The following PCYT1A variants were observed in gnomAD, a reference collection of about 807,000 sequenced individuals.
PCYT1A encodes the protein phosphate cytidylyltransferase 1A, choline.
A neutral mutation model predicts 43.7 loss-of-function variants in PCYT1A; 25 were observed. That is an observed-to-expected ratio of 0.57 (90% CI 0.42 to 0.80). The LOEUF (loss-of-function observed/expected upper bound fraction) is 0.80, where lower values mean the gene tolerates loss of function less well. Among genes scored for constraint, PCYT1A ranks in the 30% least tolerant of loss-of-function variants. PCYT1A has a pLI of 0.00. For synonymous variants in PCYT1A, 172 were observed against 170.7 expected (o/e 1.01, Z -0.06); for missense variants, 421 against 474.2 (o/e 0.89, Z 1.04).
chr3:196,275,829 G>A (rs937714581), intron 1 of PCYT1A, among the ~76,000 whole-genome samples: 4 of 152,058 alleles, frequency 2.6e-5, no homozygotes, highest in African/African-American at 9.7e-5. Flanking sequence ...CAGGCACGGT[G>A]GCTCACACCT....
chr3:196,246,401 CTT>C (rs1039092568), intron 5 of PCYT1A, among the ~76,000 whole-genome samples: 3 of 144,990 alleles, frequency 2.1e-5, no homozygotes, highest in Admixed American at 6.9e-5. Flanking sequence ...AAACCTGTGG[CTT>C]TTTTTTTTTT....
At chr3:196,270,809 T>G (rs1725408728) in intron 1 of PCYT1A, among the ~76,000 whole-genome samples, 1 of 152,208 alleles carries the variant, frequency 6.6e-6, no homozygotes, top group Admixed American at 6.5e-5. Flanking sequence ...CAGTGCAGCC[T>G]ACATACTAAC....
chr3:196,273,961 T>C lies in PCYT1A; in HGVS notation c.-10-3420A>G, dbSNP rs1725514856. 6.6e-6 allele frequency among the ~76,000 whole-genome samples: 1 copy of C among 152,216 alleles called. No homozygotes were observed. The highest frequency in any genetic ancestry group is 1.9e-4 in the East Asian group (1 of 5,192). ...CCCAGGCTATTCACGAAGGGGCGCC[T>C]GCAGGCCTGAATGGAGCTGCTCTCA... On this transcript the variant is annotated intron_variant, in intron 1 of 8. Transcript: ENST00000431016. This position sits in a 1 kb window ranked among gnomAD's most constrained non-coding sequence, Gnocchi z 4.1.
At chr3:196,285,753 C>T (rs73086649) in intron 1 of PCYT1A, among the ~76,000 whole-genome samples, 18,815 of 152,052 alleles carry the variant, frequency 0.12, 1,238 homozygotes, top group South Asian at 0.2. Flanking sequence ...CATTTTGTCC[C>T]CCTTTCTTTC....
chr3:196,278,980 C>CAAAA (rs148985648), intron 1 of PCYT1A, among the ~76,000 whole-genome samples: 7 of 51,632 alleles, frequency 1.4e-4, no homozygotes, highest in African/African-American at 2.4e-4. Flanking sequence ...GACCTCATCT[C>CAAAA]AAAAAAAAAA....
At chr3:196,240,411 A>T (rs1724313287) in intron 7 of PCYT1A, among the ~76,000 whole-genome samples, 2 of 152,230 alleles carry the variant, frequency 1.3e-5, no homozygotes, top group African/African-American at 4.8e-5. Context: ...TTGGCCAGGC[A>T]CAGTGGCTCA....
chr3:196,266,400 G>A (rs1166371899), intron 2 of PCYT1A, among the ~76,000 whole-genome samples: 1 of 151,892 alleles, frequency 6.6e-6, no homozygotes, highest in African/African-American at 2.4e-5. Flanking sequence ...GTGAACCCAG[G>A]AGGCGGAGCT....
intron 2 of PCYT1A, among the ~76,000 whole-genome samples, chr3:196,260,523 A>G (rs1725077695): frequency 6.6e-6 from 1 of 152,196 alleles, no homozygotes; most frequent in African/African-American, 2.4e-5. Context: ...GTATATACCC[A>G]AGATAACTGA....
chr3:196,265,681 G>A (rs1381048376), intron 2 of PCYT1A, among the ~76,000 whole-genome samples: 5 of 151,848 alleles, frequency 3.3e-5, no homozygotes, highest in African/African-American at 1.2e-4. Context: ...TCAGCACTTA[G>A]GGAGGCAGAG....
chr3:196,259,150 TG>T, intron 2 of PCYT1A, among the ~76,000 whole-genome samples: 1 of 152,216 alleles, frequency 6.6e-6, no homozygotes, highest in Non-Finnish European at 1.5e-5. Context: ...CCCTAATAGC[TG>T]GGACTACAGG....
chr3:196,247,269 TA>T lies in PCYT1A; in HGVS notation c.486+97del. The T allele has an allele frequency of 7.9e-7, 1 of 1,266,098 alleles. No homozygotes were observed. The highest frequency in any genetic ancestry group is 1.1e-6 in the Non-Finnish European group (1 of 882,346). 78.4% of individuals were successfully genotyped at this position (1,266,098 alleles called of 1,614,324 possible). A position where few individuals can be genotyped will look rare whatever the true frequency, so the allele number is the denominator to read the frequency against. On this transcript the variant is annotated intron_variant, in intron 5 of 8. Transcript: ENST00000431016. The surrounding 1 kb of genome is among the most constrained non-coding windows in gnomAD (Gnocchi z 4.8). ...ACGAAACTTACATAAGAGGTAGAAG[TA>T]AAACACGGCTAGTGGAAAACCAGCC...
intron 1 of PCYT1A, among the ~76,000 whole-genome samples, chr3:196,279,506 T>G (rs1044100144): frequency 2.0e-5 from 3 of 152,116 alleles, no homozygotes; most frequent in Admixed American, 6.6e-5. Flanking sequence ...GAATGCAGTA[T>G]CTGTGCCTGT....
intron 8 of PCYT1A, 83 bp downstream of exon 8, chr3:196,239,464 T>C: frequency 1.2e-6 from 1 of 844,566 alleles, no homozygotes; most frequent in South Asian, 1.6e-5. Flanking sequence ...CTTCTCAGTG[T>C]CGATGCCCCT....
At chr3:196,245,690 C>A (rs1255128290) in intron 5 of PCYT1A, among the ~76,000 whole-genome samples, 3 of 152,024 alleles carry the variant, frequency 2.0e-5, no homozygotes. Context: ...TGTCAGGGAT[C>A]CATAGGCAGC....
At chr3:196,283,137 A>C (rs528249618) in intron 1 of PCYT1A, among the ~76,000 whole-genome samples, 34 of 152,314 alleles carry the variant, frequency 2.2e-4, no homozygotes, top group African/African-American at 8.2e-4. Context: ...CTGGAGTTTA[A>C]GACCAGCCTG....
In PCYT1A at chr3:196,273,547, C is replaced by G. The variant is rs748443305; in HGVS notation, c.-10-3006G>C. Among the ~76,000 whole-genome samples the G allele has an allele frequency of 2.0e-5, 3 of 152,174 alleles. No individual in the cohort carries two copies. The highest frequency in any genetic ancestry group is 2.9e-5 in the Non-Finnish European group (2 of 68,028). On this transcript the variant is annotated intron_variant, in intron 1 of 8. Transcript: ENST00000431016. This position sits in a 1 kb window ranked among gnomAD's most constrained non-coding sequence, Gnocchi z 4.1. ...TCCTTTCCGCAGCAGGTCGTCCCAG[C>G]ATCTGTGCAGCCCTCAGCGGAGAGG... is the stretch of plus-strand genomic sequence containing the variant.
intron 1 of PCYT1A, among the ~76,000 whole-genome samples, chr3:196,285,015 A>G (rs1402100899): frequency 3.3e-5 from 5 of 152,228 alleles, no homozygotes; most frequent in Non-Finnish European, 7.3e-5. Context: ...ACTCATTCCC[A>G]TTCAAGAACC....
intron 5 of PCYT1A, among the ~76,000 whole-genome samples, chr3:196,245,861 G>A (rs1248820343): frequency 2.0e-5 from 3 of 151,152 alleles, no homozygotes; most frequent in Admixed American, 6.6e-5. Flanking sequence ...TGAGGCAGGC[G>A]AATCACTTGA....
chr3:196,260,613 C>T (rs761431807), intron 2 of PCYT1A, among the ~76,000 whole-genome samples: 1 of 152,132 alleles, frequency 6.6e-6, no homozygotes, highest in Admixed American at 6.5e-5. Context: ...GAGGCCGAGG[C>T]GGGTAGACCA....
Sources: gnomAD v4.1 joint callset for allele counts (sites outside exome capture counted in the v4.1 genomes callset) on GRCh38, gnomAD v4.1.1 for gene constraint, Gnocchi (gnomAD v3.1) non-coding constraint, MANE v1.5 for transcripts, NCBI Gene and HGNC (gene_info 2026-07-23, HGNC 2026-07-21) for gene names.